Variants in LINGO2 observed in about 807,000 individuals in gnomAD.
LINGO2 encodes the protein leucine rich repeat and Ig domain containing 2.
In LINGO2, 14 loss-of-function variants were observed where a neutral mutation model predicts 30.6. The ratio of observed to expected loss-of-function variants is 0.46; its 90% confidence interval spans 0.30 to 0.72. The LOEUF (loss-of-function observed/expected upper bound fraction) is 0.72. LINGO2 is among the 30% of genes least tolerant of loss of function. The probability of loss-of-function intolerance (pLI) is 0.07; values close to 1 mark genes in which losing one functional copy is unlikely to be tolerated. For missense variants in LINGO2, 729 were observed against 751.7 expected (o/e 0.97, Z 0.35); for synonymous variants, 317 against 288.5 (o/e 1.10, Z -1.00).
chr9:29,061,185 T>C, the LINGO2 span, among the ~76,000 whole-genome samples: 1 of 151,986 alleles, frequency 6.6e-6, no homozygotes, highest in Non-Finnish European at 1.5e-5. Context: ...GAGAAGCTGT[T>C]GATACATGCA....
intron 4 of LINGO2, among the ~76,000 whole-genome samples, chr9:28,260,340 T>C (rs1003274274): frequency 6.6e-6 from 1 of 151,836 alleles, no homozygotes; most frequent in African/African-American, 2.4e-5. Context: ...CTAAAGCTTT[T>C]CTATGTTCCA....
chr9:29,075,021 C>T, the LINGO2 span, among the ~76,000 whole-genome samples: 2 of 152,062 alleles, frequency 1.3e-5, no homozygotes, highest in Non-Finnish European at 2.9e-5. Context: ...TTCATAAATA[C>T]ACATAATTTT....
At chr9:28,008,575 G>A (rs937521709) in intron 5 of LINGO2, among the ~76,000 whole-genome samples, 1 of 57,974 alleles carries the variant, frequency 1.7e-5, no homozygotes, top group African/African-American at 3.7e-5. Flanking sequence ...AAAACTATTA[G>A]AATAGATGAG....
chr9:28,102,772 C>A (rs577881736), intron 4 of LINGO2, among the ~76,000 whole-genome samples: 10 of 152,144 alleles, frequency 6.6e-5, no homozygotes, highest in Non-Finnish European at 8.8e-5. Context: ...GTTTTCCAAG[C>A]CTTTATTCAC....
chr9:28,097,076 A>C (rs1406967440), intron 4 of LINGO2, among the ~76,000 whole-genome samples: 1 of 152,186 alleles, frequency 6.6e-6, no homozygotes, highest in Admixed American at 6.5e-5. Flanking sequence ...CAAAAAACAC[A>C]TGAAAAAATG....
intron 4 of LINGO2, among the ~76,000 whole-genome samples, chr9:28,167,875 T>C (rs7021208): frequency 0.038 from 5,820 of 152,306 alleles, 357 homozygotes; most frequent in African/African-American, 0.13. Context: ...AACAATTCGA[T>C]TGGGCACAGT....
At chr9:28,121,842 G>A (rs146997185) in intron 4 of LINGO2, among the ~76,000 whole-genome samples, 23 of 152,302 alleles carry the variant, frequency 1.5e-4, no homozygotes, top group African/African-American at 5.1e-4. Context: ...TAAGCAGGAA[G>A]ACTTCAGAAC....
chr9:29,062,625 C>A, the LINGO2 span, among the ~76,000 whole-genome samples: 1 of 151,944 alleles, frequency 6.6e-6, no homozygotes, highest in Admixed American at 6.6e-5. Context: ...CATGAGATGC[C>A]TAGAGTAGTC....
At chr9:27,962,056 T>C (rs1819874204) in intron 5 of LINGO2, among the ~76,000 whole-genome samples, 1 of 152,184 alleles carries the variant, frequency 6.6e-6, no homozygotes, top group South Asian at 2.1e-4. Flanking sequence ...AAAAAGAATA[T>C]TATTTTGTAA....
chr9:27,999,501 A>G (rs1821841361), intron 5 of LINGO2, among the ~76,000 whole-genome samples: 1 of 150,648 alleles, frequency 6.6e-6, no homozygotes, highest in African/African-American at 2.5e-5. Flanking sequence ...ATTTGCATGT[A>G]TGCTTATGTA....
intron 3 of LINGO2, among the ~76,000 whole-genome samples, chr9:28,350,105 C>G (rs377664119): frequency 6.6e-6 from 1 of 150,524 alleles, no homozygotes; most frequent in Non-Finnish European, 1.5e-5. Context: ...CGAGCAAAAT[C>G]ACCAGCTAAC....
intron 4 of LINGO2, among the ~76,000 whole-genome samples, chr9:28,199,346 T>TCTTCTTCTTC (rs1554686393): frequency 7.9e-6 from 1 of 126,738 alleles, no homozygotes; most frequent in South Asian, 2.7e-4. Context: ...TTCTTCTTCT[T>TCTTCTTCTTC]TTTTTTTTTT....
At chr9:28,535,548 T>G (rs918839732) in intron 1 of LINGO2, among the ~76,000 whole-genome samples, 6 of 152,144 alleles carry the variant, frequency 3.9e-5, no homozygotes, top group African/African-American at 1.4e-4. Context: ...TTTAATTTTA[T>G]ACACATATAT....
At chr9:29,088,756 A>G in the LINGO2 span, among the ~76,000 whole-genome samples, 6 of 152,280 alleles carry the variant, frequency 3.9e-5, no homozygotes, top group Non-Finnish European at 8.8e-5. Flanking sequence ...AGTTGCATTT[A>G]TCTGAAAAAA....
chr9:29,011,397 T>C, the LINGO2 span, among the ~76,000 whole-genome samples: 15 of 74,646 alleles, frequency 2.0e-4, no homozygotes, highest in African/African-American at 5.1e-4. Flanking sequence ...TGAATTGACA[T>C]CCTTACTTTC....
intron 5 of LINGO2, among the ~76,000 whole-genome samples, chr9:27,976,248 C>A (rs558238021): frequency 6.6e-6 from 1 of 152,182 alleles, no homozygotes; most frequent in South Asian, 2.1e-4. Flanking sequence ...TATTTTAGGA[C>A]AGCAATTAAC....
At chr9:28,806,464 A>C in the LINGO2 span, among the ~76,000 whole-genome samples, 2 of 152,108 alleles carry the variant, frequency 1.3e-5, no homozygotes, top group African/African-American at 4.8e-5. Flanking sequence ...TCCCCAGCCT[A>C]CTAATTTTGA....
the LINGO2 span, among the ~76,000 whole-genome samples, chr9:28,989,043 A>G: frequency 6.6e-6 from 1 of 152,156 alleles, no homozygotes. Context: ...TTCATTTACC[A>G]TACTCATGCA....
chr9:28,991,282 G>T, the LINGO2 span, among the ~76,000 whole-genome samples: 1 of 151,246 alleles, frequency 6.6e-6, no homozygotes, highest in African/African-American at 2.4e-5. Flanking sequence ...AAGATGAAAT[G>T]AATGAAATGA....
Sources: allele counts gnomAD v4.1 joint callset (sites outside exome capture counted in the v4.1 genomes callset), GRCh38; gene constraint gnomAD v4.1.1; transcripts MANE v1.5; gene names NCBI Gene and HGNC (gene_info 2026-07-23, HGNC 2026-07-21).